The following BRWD1 variants were observed in gnomAD, a reference collection of about 807,000 sequenced individuals.
The protein encoded by BRWD1 is bromodomain and WD repeat-containing protein 1.
A neutral mutation model predicts 251.2 loss-of-function variants in BRWD1; 82 were observed. That is an observed-to-expected ratio of 0.33 (90% CI 0.27 to 0.39). The LOEUF is 0.39. Ranked by LOEUF, BRWD1 falls within the 10% of genes least tolerant of loss-of-function variation. The pLI is 1.00. For synonymous variants in BRWD1, 918 were observed against 902.8 expected (o/e 1.02, Z -0.30); for missense variants, 2,233 against 2,711.6 (o/e 0.82, Z 3.92).
intron 15 of BRWD1, among the ~76,000 whole-genome samples, chr21:39,267,965 C>T (rs897305650): frequency 7.2e-5 from 11 of 152,104 alleles, no homozygotes; most frequent in Non-Finnish European, 1.3e-4. Context: ...CATTTACCCA[C>T]GTAACCAACC....
rs139647798 is a variant in BRWD1, at chr21:39,199,422, T to C, written c.4994A>G (p.Asn1665Ser). 78 of 1,614,126 alleles carry C rather than the reference T, an allele frequency of 4.8e-5. No individual in the cohort carries two copies. Among genetic ancestry groups the C allele is most frequent in the Admixed American group, 6.7e-5 (4 of 60,002 alleles). The change falls in exon 40 of 41, where the codon AAT (asparagine) becomes AGT (serine). Residue 1665 changes from asparagine to serine, a missense_variant. Around this residue, in one of 12 missense-constraint regions of BRWD1, gnomAD observed 928 missense variants for 970.0 expected, o/e 0.96. Transcript: ENST00000342449. ...VCSGRKLPHRNASAVARKKLL... is the reference protein window; with the variant it reads ...VCSGRKLPHRSASAVARKKLL... ...CTTTTTTCTAGCTACAGCAGAAGCATTGCGGTGAGGCAGCTTCCGACCAGA... is the reference window on the plus strand; with the variant it reads ...CTTTTTTCTAGCTACAGCAGAAGCACTGCGGTGAGGCAGCTTCCGACCAGA...
intron 4 of BRWD1, among the ~76,000 whole-genome samples, chr21:39,302,673 C>T (rs1339454419): frequency 6.8e-6 from 1 of 147,964 alleles, no homozygotes; most frequent in African/African-American, 2.5e-5. Flanking sequence ...ACAAGAATCA[C>T]GAATCTGGGA....
chr21:39,232,439 G>A lies in BRWD1; in HGVS notation c.2826C>T (p.His942=). Residue 942 remains histidine (H), a synonymous_variant, in exon 24 of 41, where the codon CAC becomes CAT. Transcript: ENST00000342449. ...LANMEHLYEF[H]PPVWITDTTL... is the part of the protein sequence containing the mutation. ...TGGTGTCAGTAATCCAAACTGGAGG[G>A]TGAAATTCATATAAATGCTCCATAT... 8.2e-6 allele frequency: 13 copies of A among 1,589,452 alleles called. No homozygotes were observed. Among genetic ancestry groups the A allele is most frequent in the Non-Finnish European group, 1.1e-5 (13 of 1,174,484 alleles).
intron 19 of BRWD1, among the ~76,000 whole-genome samples, chr21:39,252,182 G>T (rs1183828789): frequency 1.3e-5 from 2 of 151,092 alleles, no homozygotes; most frequent in African/African-American, 4.9e-5. Flanking sequence ...CAGGGAGGTG[G>T]AGGCTGAAGT....
chr21:39,261,130 C>T (rs1040164123), intron 17 of BRWD1, among the ~76,000 whole-genome samples: 4 of 152,056 alleles, frequency 2.6e-5, no homozygotes, highest in African/African-American at 9.7e-5. Flanking sequence ...GAAGCTGAGG[C>T]AGGGAAACTG....
intron 21 of BRWD1, among the ~76,000 whole-genome samples, chr21:39,244,346 G>A (rs1159323588): frequency 6.6e-6 from 1 of 152,164 alleles, no homozygotes; most frequent in African/African-American, 2.4e-5. Flanking sequence ...TTACAGGCAT[G>A]AGCCACTGCA....
intron 22 of BRWD1, 61 bp from the exon 23 acceptor site, chr21:39,236,845 A>C: frequency 1.4e-6 from 2 of 1,409,602 alleles, no homozygotes; most frequent in South Asian, 2.6e-5. Flanking sequence ...ATAGCAAGTC[A>C]ATCATATAAA....
chr21:39,268,845 A>C (rs2035010882), intron 15 of BRWD1, among the ~76,000 whole-genome samples: 1 of 151,996 alleles, frequency 6.6e-6, no homozygotes, highest in African/African-American at 2.4e-5. Context: ...AAAATTAGCC[A>C]GGTTTGGTGG....
rs2146446395 is a variant in BRWD1 at position 39,193,716 on chromosome 21, A to C, written c.*2543T>G. The C allele has an allele frequency of 2.0e-6, 2 of 985,542 alleles. No homozygotes were observed. The highest frequency in any genetic ancestry group is 9.4e-5 in the South Asian group (2 of 21,280). 61.0% of individuals were successfully genotyped at this position (985,542 alleles called of 1,614,324 possible). A position where few individuals can be genotyped will look rare whatever the true frequency, so the allele number is the denominator to read the frequency against. Reference sequence around the variant, plus strand: ...AATTATAACCCTTTATCTTTTTCTCAAGAATACTACAAACTGACCCTAAAC... The same window carrying C: ...AATTATAACCCTTTATCTTTTTCTCCAGAATACTACAAACTGACCCTAAAC... On this transcript the variant is annotated 3_prime_UTR_variant, in exon 41 of 41. Transcript: ENST00000342449.
rs553107805 is a variant in BRWD1 at position 39,192,263 on chromosome 21, T to A, written c.*3996A>T. On this transcript the variant is annotated 3_prime_UTR_variant, in exon 41 of 41. Transcript: ENST00000342449. ...CAGCCCTTAGCATTACATACTTTAC[T>A]TTTCAATCCTTACTATTCACAGTTT... 3.3e-6 allele frequency: 1 copy of A among 306,828 alleles called. No individual in the cohort carries two copies. Among genetic ancestry groups the A allele is most frequent in the East Asian group, 3.5e-4 (1 of 2,890 alleles). The allele number at this position is 306,828 out of a possible 1,614,324, so 19.0% of individuals were successfully genotyped here. A position where few individuals can be genotyped will look rare whatever the true frequency, so the allele number is the denominator to read the frequency against.
Position 39,195,414 on chromosome 21 carries a change from G to C in BRWD1, c.*845C>G. ...CGAATTCCTCTATTTCACAGAGTAA[G>C]ATTATGGAAGAGCAAGATTTTGGTT... On this transcript the variant is annotated 3_prime_UTR_variant, in exon 41 of 41. Transcript: ENST00000342449. 1 of 985,548 alleles carries C rather than the reference G, an allele frequency of 1.0e-6. No individual in the cohort carries two copies. The highest frequency in any genetic ancestry group is 1.2e-6 in the Non-Finnish European group (1 of 829,708). 61.1% of individuals were successfully genotyped at this position (985,548 alleles called of 1,614,324 possible).
Position 39,195,050 on chromosome 21 carries a change from C to A in BRWD1, c.*1209G>T. On this transcript the variant is annotated 3_prime_UTR_variant, in exon 41 of 41. Transcript: ENST00000342449. ...AGTATTTGGTTAGAAAATAAGTGTA[C>A]TATTTGTGTGATAAACTTTCACTTT... is the stretch of plus-strand genomic sequence containing the variant. 7.7e-7 allele frequency: 1 copy of A among 1,307,188 alleles called. No individual in the cohort carries two copies. The highest frequency in any genetic ancestry group is 9.7e-7 in the Non-Finnish European group (1 of 1,027,978). The allele number at this position is 1,307,188 out of a possible 1,614,324, so 81.0% of individuals were successfully genotyped here.
chr21:39,184,842 C>A (rs932554983), downstream of BRWD1: 3 of 152,026 alleles, frequency 2.0e-5, no homozygotes, highest in African/African-American at 7.2e-5. Flanking sequence ...ATTAGGACTC[C>A]TGGGTTAACT....
intron 4 of BRWD1, among the ~76,000 whole-genome samples, chr21:39,300,118 G>T (rs747076896): frequency 6.6e-6 from 1 of 152,138 alleles, no homozygotes. Flanking sequence ...ACTTGTGGCC[G>T]GCATGACTGA....
Position 39,190,789 on chromosome 21 carries a change from C to T in BRWD1, c.*5470G>A. 1.0e-6 allele frequency: 1 copy of T among 985,322 alleles called. No homozygotes were observed. The highest frequency in any genetic ancestry group is 1.2e-6 in the Non-Finnish European group (1 of 829,906). 61.0% of individuals were successfully genotyped at this position (985,322 alleles called of 1,614,324 possible). A position where few individuals can be genotyped will look rare whatever the true frequency, so the allele number is the denominator to read the frequency against. On this transcript the variant is annotated 3_prime_UTR_variant, in exon 41 of 41. Coordinates refer to ENST00000342449, the MANE Select transcript of BRWD1 (RefSeq NM_033656.4). ...TCCGTTTTCTAGGGGGAGCTGGTAACACTGCAGTATGGCAGCATCAGGTCA... is the reference window on the plus strand; with the variant it reads ...TCCGTTTTCTAGGGGGAGCTGGTAATACTGCAGTATGGCAGCATCAGGTCA...
At chr21:39,313,952 C>A, upstream of BRWD1, 1 of 347,016 alleles carries the variant, frequency 2.9e-6, no homozygotes, top group Non-Finnish European at 5.6e-6. Context: ...GTGCCGGGGG[C>A]GGAAGCGCGG....
downstream of BRWD1, chr21:39,185,322 A>AAAAAAAAAAAAAAC (rs2031168417): frequency 7.8e-6 from 1 of 128,098 alleles, no homozygotes; most frequent in Non-Finnish European, 1.7e-5. Context: ...AAAAAAAAAA[A>AAAAAAAAAAAAAAC]CTTTGCATAA....
At chr21:39,249,462 A>AT (rs1427700066) in intron 20 of BRWD1, among the ~76,000 whole-genome samples, 9 of 124,712 alleles carry the variant, frequency 7.2e-5, no homozygotes, top group Non-Finnish European at 6.9e-5. Context: ...TTTTAAATAT[A>AT]TTTTTATCAA....
chr21:39,203,256 A>G (rs932075035), intron 37 of BRWD1, among the ~76,000 whole-genome samples: 2 of 152,110 alleles, frequency 1.3e-5, no homozygotes, highest in African/African-American at 4.8e-5. Flanking sequence ...TTCAAACACT[A>G]GCCTGGGCAA....
Sources: allele counts gnomAD v4.1 joint callset (sites outside exome capture counted in the v4.1 genomes callset), GRCh38; gene constraint gnomAD v4.1.1; regional missense constraint gnomAD v4.1.1; transcripts MANE v1.5; gene names NCBI Gene and HGNC (gene_info 2026-07-23, HGNC 2026-07-21).